Variants in INPP4B observed in about 807,000 individuals in gnomAD.
INPP4B encodes inositol polyphosphate-4-phosphatase type II B.
A neutral mutation model predicts 122.5 loss-of-function variants in INPP4B; 55 were observed. The ratio of observed to expected loss-of-function variants is 0.45; its 90% confidence interval spans 0.36 to 0.56. The LOEUF (loss-of-function observed/expected upper bound fraction) is 0.56. Among genes scored for constraint, INPP4B ranks in the 20% least tolerant of loss-of-function variants. INPP4B has a pLI of 0.00. For missense variants in INPP4B, 1,000 were observed against 1,097.7 expected, an observed-to-expected ratio of 0.91 and a Z score of 1.26; for synonymous variants, 403 against 388.7, an observed-to-expected ratio of 1.04 and a Z score of -0.43.
intron 12 of INPP4B, among the ~76,000 whole-genome samples, chr4:142,209,792 C>CAAA (rs375306534): frequency 0.015 from 568 of 38,462 alleles, 37 homozygotes; most frequent in African/African-American, 0.037. Context: ...GACCCCGTCT[C>CAAA]AAAAAAAAAA....
chr4:142,707,467 G>A (rs1243190675), intron 2 of INPP4B, among the ~76,000 whole-genome samples: 4 of 152,326 alleles, frequency 2.6e-5, no homozygotes, highest in Admixed American at 2.0e-4. Flanking sequence ...GGCCTGGTGG[G>A]ATGTGATTGG....
At chr4:142,242,586 A>T (rs1354681129) in intron 11 of INPP4B, among the ~76,000 whole-genome samples, 1 of 152,184 alleles carries the variant, frequency 6.6e-6, no homozygotes, top group Admixed American at 6.5e-5. Context: ...AAACCAAGAC[A>T]ACCCATACTC....
At chr4:142,318,525 T>G (rs2151380782) in intron 7 of INPP4B, among the ~76,000 whole-genome samples, 1 of 152,204 alleles carries the variant, frequency 6.6e-6, no homozygotes, top group African/African-American at 2.4e-5. Context: ...AGTTCTTCTC[T>G]CTATTTTTCT....
At chr4:142,743,516 C>A (rs1189318610) in intron 1 of INPP4B, among the ~76,000 whole-genome samples, 1 of 151,834 alleles carries the variant, frequency 6.6e-6, no homozygotes, top group Non-Finnish European at 1.5e-5. Flanking sequence ...ATTGAGAATG[C>A]ATGAGAGATG....
At chr4:142,732,717 C>T (rs193228123) in intron 1 of INPP4B, among the ~76,000 whole-genome samples, 1 of 152,116 alleles carries the variant, frequency 6.6e-6, no homozygotes, top group East Asian at 1.9e-4. Context: ...ATGCATCATG[C>T]TCATACATGG....
chr4:142,076,037 T>G (rs1298106321), intron 25 of INPP4B, among the ~76,000 whole-genome samples: 1 of 151,988 alleles, frequency 6.6e-6, no homozygotes, highest in Non-Finnish European at 1.5e-5. Context: ...TTGAAAGAAG[T>G]GGTTGACTTG....
chr4:142,664,853 G>A (rs1755745880), intron 2 of INPP4B, among the ~76,000 whole-genome samples: 1 of 152,160 alleles, frequency 6.6e-6, no homozygotes, highest in Non-Finnish European at 1.5e-5. Flanking sequence ...TATGTTCTGA[G>A]AAATGTATTG....
At chr4:142,349,699 G>A (rs1232488694) in intron 7 of INPP4B, among the ~76,000 whole-genome samples, 1 of 152,002 alleles carries the variant, frequency 6.6e-6, no homozygotes, top group African/African-American at 2.4e-5. Flanking sequence ...AAGGAAGAAT[G>A]TTAATCACTA....
chr4:142,758,443 T>G (rs1770817371), intron 1 of INPP4B, among the ~76,000 whole-genome samples: 1 of 152,124 alleles, frequency 6.6e-6, no homozygotes, highest in African/African-American at 2.4e-5. Context: ...GGACTCTTTT[T>G]GGAAAAGAGT....
chr4:142,371,177 G>C (rs752670348), intron 7 of INPP4B, among the ~76,000 whole-genome samples: 12 of 152,168 alleles, frequency 7.9e-5, no homozygotes, highest in Non-Finnish European at 1.6e-4. Flanking sequence ...TAGGGGAAAG[G>C]ACACCCTTTT....
At chr4:142,804,337 G>A (rs1778403545) in intron 1 of INPP4B, among the ~76,000 whole-genome samples, 1 of 152,106 alleles carries the variant, frequency 6.6e-6, no homozygotes, top group Non-Finnish European at 1.5e-5. Flanking sequence ...TGCTGCGTCT[G>A]GGTCTTATTC....
chr4:142,368,616 T>G (rs1273422177), intron 7 of INPP4B, among the ~76,000 whole-genome samples: 1 of 151,898 alleles, frequency 6.6e-6, no homozygotes, highest in African/African-American at 2.4e-5. Context: ...GGCAAGGAAA[T>G]ATAATGTTCA....
intron 18 of INPP4B, among the ~76,000 whole-genome samples, chr4:142,138,621 T>C (rs1436915771): frequency 6.6e-6 from 1 of 152,176 alleles, no homozygotes; most frequent in African/African-American, 2.4e-5. Flanking sequence ...TGCTTGAATT[T>C]GAATCCTTGC....
intron 2 of INPP4B, among the ~76,000 whole-genome samples, chr4:142,720,893 CGTGTGTGTGTGT>C (rs35250436): frequency 1.8e-5 from 2 of 111,258 alleles, no homozygotes; most frequent in Admixed American, 9.8e-5. Context: ...GAGTGCATCT[CGTGTGTGTGTGT>C]GTGTGTGTGT....
At chr4:142,159,588 AT>A (rs1322800117) in intron 17 of INPP4B, among the ~76,000 whole-genome samples, 6 of 151,716 alleles carry the variant, frequency 4.0e-5, no homozygotes, top group Non-Finnish European at 5.9e-5. Context: ...CTAGCACACT[AT>A]TTTTTTTGTT....
intron 6 of INPP4B, among the ~76,000 whole-genome samples, chr4:142,404,962 A>G (rs1802871568): frequency 6.6e-6 from 1 of 152,028 alleles, no homozygotes; most frequent in Admixed American, 6.5e-5. Context: ...AAGACAAGTT[A>G]TTTTGTCATT....
intron 25 of INPP4B, among the ~76,000 whole-genome samples, chr4:142,048,477 G>A (rs2152379164): frequency 6.6e-6 from 1 of 152,134 alleles, no homozygotes; most frequent in African/African-American, 2.4e-5. Flanking sequence ...TTACATGGAA[G>A]GATGGAAGAA....
chr4:142,262,079 T>C lies in INPP4B; in HGVS notation c.616-1515A>G, dbSNP rs1579506932. ...GATGTTCAATGATACTAGAAATACA[T>C]AAAATTCTAATTTTTCCTATTTTCA... On this transcript the variant is annotated intron_variant, in intron 10 of 25. Coordinates refer to ENST00000262992, the MANE Select transcript of INPP4B (RefSeq NM_001101669.3). 2.0e-5 allele frequency among the ~76,000 whole-genome samples: 3 copies of C among 152,218 alleles called. No homozygotes were observed. In the East Asian group the frequency reaches 5.8e-4, roughly 29 times the overall value.
intron 2 of INPP4B, among the ~76,000 whole-genome samples, chr4:142,622,283 G>A (rs1745122211): frequency 6.6e-6 from 1 of 151,500 alleles, no homozygotes; most frequent in Non-Finnish European, 1.5e-5. Context: ...AAAGTCAGGG[G>A]TTTCTTTATA....
Sources: gnomAD v4.1 joint callset for allele counts (sites outside exome capture counted in the v4.1 genomes callset) on GRCh38, gnomAD v4.1.1 for gene constraint, MANE v1.5 for transcripts, NCBI Gene and HGNC (gene_info 2026-07-23, HGNC 2026-07-21) for gene names.